Variants in GPC5 observed in about 807,000 individuals in gnomAD.
The protein encoded by GPC5 is glypican 5, also known as glypican-5.
In GPC5, 47 loss-of-function variants were observed where a neutral mutation model predicts 53.9. The ratio of observed to expected loss-of-function variants is 0.87; its 90% confidence interval spans 0.69 to 1.11. GPC5 has a LOEUF of 1.11. GPC5 is among the 50% of genes most tolerant of loss of function. The pLI is 0.00. For missense variants in GPC5, 748 were observed against 713.1 expected (o/e 1.05, Z -0.56); for synonymous variants, 286 against 263.3 (o/e 1.09, Z -0.84).
chr13:92,737,401 G>GA (rs1244121457), intron 7 of GPC5, among the ~76,000 whole-genome samples: 1 of 151,884 alleles, frequency 6.6e-6, no homozygotes, highest in Non-Finnish European at 1.5e-5. Flanking sequence ...TCTAGCCAAA[G>GA]AAAAAAATCT....
chr13:91,903,566 A>G (rs1360606530), intron 5 of GPC5, among the ~76,000 whole-genome samples: 1 of 152,108 alleles, frequency 6.6e-6, no homozygotes, highest in Non-Finnish European at 1.5e-5. Context: ...ATGTATCACT[A>G]TTTCAATTGT....
chr13:92,661,801 C>T (rs1278800088), intron 7 of GPC5, among the ~76,000 whole-genome samples: 1 of 152,078 alleles, frequency 6.6e-6, no homozygotes, highest in East Asian at 1.9e-4. Context: ...CAGCTTAAAT[C>T]GTCATTAGAG....
chr13:91,803,151 A>G (rs1185651258), intron 5 of GPC5, among the ~76,000 whole-genome samples: 1 of 152,290 alleles, frequency 6.6e-6, no homozygotes, highest in Admixed American at 6.5e-5. Context: ...TAACTAAATG[A>G]TTACATCATT....
chr13:92,408,304 A>G (rs1337045154), intron 7 of GPC5, among the ~76,000 whole-genome samples: 1 of 152,180 alleles, frequency 6.6e-6, no homozygotes, highest in Non-Finnish European at 1.5e-5. Flanking sequence ...TTATGCCATT[A>G]AATATTTGAA....
chr13:92,604,880 C>A (rs1294402791), intron 7 of GPC5, among the ~76,000 whole-genome samples: 1 of 152,098 alleles, frequency 6.6e-6, no homozygotes, highest in Non-Finnish European at 1.5e-5. Flanking sequence ...ACAAGCTTTT[C>A]TTTTGATCTT....
intron 4 of GPC5, among the ~76,000 whole-genome samples, chr13:91,732,091 T>C (rs9556113): frequency 5.3e-5 from 8 of 152,334 alleles, no homozygotes; most frequent in Admixed American, 1.3e-4. Context: ...TGGTTCTAGA[T>C]CCTTGAGGAA....
intron 6 of GPC5, among the ~76,000 whole-genome samples, chr13:92,032,003 G>A (rs2040855474): frequency 2.5e-5 from 3 of 121,946 alleles, no homozygotes; most frequent in South Asian, 2.4e-4. Context: ...ACAAATAATT[G>A]TATATAATAT....
chr13:92,380,269 C>G (rs868343726), intron 7 of GPC5, among the ~76,000 whole-genome samples: 3 of 152,122 alleles, frequency 2.0e-5, no homozygotes, highest in Non-Finnish European at 2.9e-5. Context: ...CGCTTGGCCC[C>G]TTGGAGAGGC....
intron 5 of GPC5, among the ~76,000 whole-genome samples, chr13:91,806,405 T>C (rs1022508293): frequency 3.3e-5 from 5 of 150,872 alleles, no homozygotes; most frequent in African/African-American, 1.2e-4. Context: ...TTTAATTTAA[T>C]TAAACTTTAC....
intron 6 of GPC5, among the ~76,000 whole-genome samples, chr13:92,047,442 A>AT (rs147815852): frequency 0.096 from 9,573 of 99,848 alleles, 411 homozygotes; most frequent in African/African-American, 0.15. Flanking sequence ...ATATATATAT[A>AT]TTTTTTTTTC....
At chr13:92,126,829 T>TGC (rs2041701530) in intron 6 of GPC5, among the ~76,000 whole-genome samples, 1 of 150,944 alleles carries the variant, frequency 6.6e-6, no homozygotes, top group African/African-American at 2.4e-5. Flanking sequence ...TGTGTGTGTG[T>TGC]GTGTGTATGT....
chr13:92,155,157 G>A (rs1177474466), intron 7 of GPC5, among the ~76,000 whole-genome samples: 3 of 152,044 alleles, frequency 2.0e-5, no homozygotes, highest in Admixed American at 6.6e-5. Context: ...TATTTTACGA[G>A]TTCTTTTATG....
intron 7 of GPC5, among the ~76,000 whole-genome samples, chr13:92,745,499 A>G (rs1050983024): frequency 6.6e-6 from 1 of 152,086 alleles, no homozygotes; most frequent in African/African-American, 2.4e-5. Context: ...CCCATGTTTT[A>G]TAGATACTTG....
intron 7 of GPC5, among the ~76,000 whole-genome samples, chr13:92,550,951 C>G (rs945201782): frequency 6.6e-6 from 1 of 151,736 alleles, no homozygotes; most frequent in Non-Finnish European, 1.5e-5. Flanking sequence ...ATATCCCTAC[C>G]GATGTTTGAG....
chr13:91,993,012 T>C (rs1371221963), intron 6 of GPC5, among the ~76,000 whole-genome samples: 1 of 152,348 alleles, frequency 6.6e-6, no homozygotes, highest in East Asian at 1.9e-4. Context: ...GAATGTGTCA[T>C]TCTTAGTAAA....
chr13:92,381,897 A>ATATCATATATTATATATATGAT (rs1218262542), intron 7 of GPC5, among the ~76,000 whole-genome samples: 4 of 101,336 alleles, frequency 3.9e-5, no homozygotes, highest in Non-Finnish European at 6.0e-5. Flanking sequence ...TATTATATAT[A>ATATCATATATTATATATATGAT]ATCATATATA....
intron 7 of GPC5, among the ~76,000 whole-genome samples, chr13:92,248,272 G>T (rs1390574131): frequency 6.6e-6 from 1 of 152,076 alleles, no homozygotes; most frequent in Non-Finnish European, 1.5e-5. Flanking sequence ...AGGCATTTTG[G>T]AATGGAAGAT....
chr13:91,712,664 G>A (rs958152343), intron 3 of GPC5, among the ~76,000 whole-genome samples: 22 of 151,948 alleles, frequency 1.4e-4, no homozygotes, highest in African/African-American at 5.1e-4. Context: ...TCCACCCCAC[G>A]GCCTGGTGTC....
chr13:92,164,716 G>A (rs575257845), intron 7 of GPC5, among the ~76,000 whole-genome samples: 2 of 152,222 alleles, frequency 1.3e-5, no homozygotes, highest in South Asian at 4.1e-4. Context: ...GCCCCAGTGG[G>A]GATTTTTTGT....
Sources: gnomAD v4.1 joint callset for allele counts (sites outside exome capture counted in the v4.1 genomes callset) on GRCh38, gnomAD v4.1.1 for gene constraint, MANE v1.5 for transcripts, NCBI Gene and HGNC (gene_info 2026-07-23, HGNC 2026-07-21) for gene names.